EEFSEC: variants seen among roughly 807,000 people sequenced by gnomAD.
EEFSEC encodes the protein selenocysteine-specific elongation factor.
A neutral mutation model predicts 42.1 loss-of-function variants in EEFSEC; 43 were observed. The observed-to-expected ratio is 1.02, with a 90% CI of 0.80 to 1.32. The LOEUF is 1.32. Among genes scored for constraint, EEFSEC ranks in the 40% most tolerant of loss-of-function variants. EEFSEC has a pLI of 0.00. For missense variants in EEFSEC, 745 were observed against 803.6 expected, an observed-to-expected ratio of 0.93 and a Z score of 0.88; for synonymous variants, 354 against 339.1, an observed-to-expected ratio of 1.04 and a Z score of -0.48.
intron 4 of EEFSEC, among the ~76,000 whole-genome samples, chr3:128,307,675 A>T (rs1242149672): frequency 6.6e-6 from 1 of 152,018 alleles, no homozygotes; most frequent in Admixed American, 6.5e-5. Flanking sequence ...ATTTAGACTG[A>T]CTCCTGCAGC....
At chr3:128,407,983 T>A in intron 6 of EEFSEC, 86 bp from the exon 7 acceptor site, 1 of 1,274,296 alleles carries the variant, frequency 7.8e-7, no homozygotes, top group South Asian at 1.6e-5. Flanking sequence ...AGAAGAGGGG[T>A]GAGTCTAGGC....
chr3:128,215,627 G>A (rs796201065), intron 1 of EEFSEC, among the ~76,000 whole-genome samples: 46 of 152,230 alleles, frequency 3.0e-4, no homozygotes, highest in African/African-American at 1.1e-3. Context: ...TATAATCTGT[G>A]GTTATAAAGG....
the EEFSEC span, among the ~76,000 whole-genome samples, chr3:128,415,375 G>A: frequency 6.6e-6 from 1 of 152,200 alleles, no homozygotes; most frequent in Non-Finnish European, 1.5e-5. Flanking sequence ...GGGTGGTGGG[G>A]TGGAGCCTCA....
chr3:128,269,829 G>A (rs369111468), intron 4 of EEFSEC, among the ~76,000 whole-genome samples: 12 of 152,360 alleles, frequency 7.9e-5, no homozygotes, highest in African/African-American at 1.7e-4. Flanking sequence ...TGACTCTCTC[G>A]ATCTTCAGCC....
At chr3:128,179,886 T>TA (rs371378976) in intron 1 of EEFSEC, among the ~76,000 whole-genome samples, 25 of 147,816 alleles carry the variant, frequency 1.7e-4, no homozygotes, top group African/African-American at 3.2e-4. Context: ...CTTATCAGAG[T>TA]AAAAAAAAAA....
At chr3:128,358,494 G>C in intron 6 of EEFSEC, 121 bp downstream of exon 6, 2 of 1,402,816 alleles carry the variant, frequency 1.4e-6, no homozygotes, top group Non-Finnish European at 1.9e-6. Flanking sequence ...GCCGAGACAC[G>C]GGGTGACTTG....
chr3:128,403,994 G>T (rs1374900935), intron 6 of EEFSEC, among the ~76,000 whole-genome samples: 1 of 152,208 alleles, frequency 6.6e-6, no homozygotes, highest in Non-Finnish European at 1.5e-5. Flanking sequence ...CTCCTGTTCT[G>T]GCATGTTCCC....
intron 6 of EEFSEC, among the ~76,000 whole-genome samples, chr3:128,403,052 G>T (rs560058066): frequency 6.6e-6 from 1 of 152,122 alleles, no homozygotes; most frequent in African/African-American, 2.4e-5. Flanking sequence ...GGTCAGGGGA[G>T]CATGAGGGGG....
At chr3:128,362,710 A>G (rs953360616) in intron 6 of EEFSEC, among the ~76,000 whole-genome samples, 6 of 152,230 alleles carry the variant, frequency 3.9e-5, no homozygotes, top group Admixed American at 6.5e-5. Context: ...ACAACTGACC[A>G]TGGAACAGAG....
In EEFSEC at chr3:128,316,820, C is replaced by T. The variant is rs147098840; in HGVS notation, c.787-24413C>T. Among the ~76,000 whole-genome samples, 170 of 152,292 alleles carry T rather than the reference C, an allele frequency of 1.1e-3. 5 individuals are homozygous for T. The East Asian group carries it at 0.031, about 28-fold the overall frequency. On this transcript the variant is annotated intron_variant, in intron 4 of 6. Transcript: ENST00000254730. ...CATCATTTTCCCCTCCCATGACATA[C>T]GACAGCAGGGAGTTGAGTGGTTTGT...
At chr3:128,352,257 G>A (rs1282237570) in intron 5 of EEFSEC, among the ~76,000 whole-genome samples, 2 of 152,222 alleles carry the variant, frequency 1.3e-5, no homozygotes, top group African/African-American at 4.8e-5. Flanking sequence ...CATCCTGTAG[G>A]AATGTAGGAG....
At chr3:128,191,184 G>A (rs2065520423) in intron 1 of EEFSEC, among the ~76,000 whole-genome samples, 1 of 152,084 alleles carries the variant, frequency 6.6e-6, no homozygotes, top group Non-Finnish European at 1.5e-5. Flanking sequence ...TATTTTTAAT[G>A]GTTGCCTTCT....
chr3:128,208,713 T>C (rs908124979), intron 1 of EEFSEC, among the ~76,000 whole-genome samples: 16 of 152,220 alleles, frequency 1.1e-4, no homozygotes, highest in Non-Finnish European at 1.9e-4. Flanking sequence ...CTATGTTTTA[T>C]GAAAAATCTC....
At chr3:128,185,461 C>G (rs2065456117) in intron 1 of EEFSEC, among the ~76,000 whole-genome samples, 1 of 151,250 alleles carries the variant, frequency 6.6e-6, no homozygotes, top group Admixed American at 6.6e-5. Context: ...TTTTTTGAGA[C>G]AGAGTTTCAC....
intron 1 of EEFSEC, among the ~76,000 whole-genome samples, chr3:128,198,789 A>C (rs1352206742): frequency 1.3e-5 from 2 of 151,778 alleles, no homozygotes; most frequent in Non-Finnish European, 2.9e-5. Context: ...CAGGAAGGAG[A>C]CATTTTTTCA....
At chr3:128,246,755 C>A in intron 1 of EEFSEC, 81 bp from the exon 2 acceptor site, 1 of 1,463,030 alleles carries the variant, frequency 6.8e-7, no homozygotes, top group Non-Finnish European at 9.5e-7. Context: ...TACTGCAGTG[C>A]TTTGACCTGG....
chr3:128,254,695 G>A (rs1248786778), intron 2 of EEFSEC, among the ~76,000 whole-genome samples: 2 of 152,094 alleles, frequency 1.3e-5, no homozygotes. Context: ...ATCAGTGTGG[G>A]GAGACTGGAG....
At chr3:128,276,914 C>T (rs181894636) in intron 4 of EEFSEC, among the ~76,000 whole-genome samples, 7 of 152,292 alleles carry the variant, frequency 4.6e-5, no homozygotes, top group Admixed American at 2.6e-4. Flanking sequence ...GAAGGGGAGA[C>T]GCTGTGGGAC....
chr3:128,358,366 C>T lies in EEFSEC; in HGVS notation c.1593C>T (p.His531=). 1 of 1,614,220 alleles carries T rather than the reference C, an allele frequency of 6.2e-7. No individual in the cohort carries two copies. The highest frequency in any genetic ancestry group is 8.5e-7 in the Non-Finnish European group (1 of 1,180,014). ...GCCAGAGCGGCAAGTTCAAGATCCA[C>T]ATCCCAGGTAAGTGCAGCCACTTCC... ...AFGQSGKFKI[H]IPGGLSPESK... Residue 531 remains histidine (H), a synonymous_variant, in exon 6 of 7, where the codon CAC becomes CAT. Transcript: ENST00000254730.
Sources: gnomAD v4.1 joint callset for allele counts (sites outside exome capture counted in the v4.1 genomes callset) on GRCh38, gnomAD v4.1.1 for gene constraint, MANE v1.5 for transcripts, NCBI Gene and HGNC (gene_info 2026-07-23, HGNC 2026-07-21) for gene names.